The following AGO3 variants were observed in gnomAD, a reference collection of about 807,000 sequenced individuals.
The protein encoded by AGO3 is protein argonaute-3.
In AGO3, 16 loss-of-function variants were observed where a neutral mutation model predicts 105.5. The ratio of observed to expected loss-of-function variants is 0.15; its 90% CI spans 0.10 to 0.23. The LOEUF is 0.23. AGO3 is among the 10% of genes least tolerant of loss of function. The pLI is 1.00. For synonymous variants in AGO3, 340 were observed against 367.3 expected (o/e 0.93, Z 0.85); for missense variants, 534 against 1,088.0 (o/e 0.49, Z 7.16).
rs562773016 is a variant in AGO3 at position 35,951,638 on chromosome 1, C to G, written c.191+5775C>G. On this transcript the variant is annotated intron_variant, in intron 2 of 18. Transcript: ENST00000373191. ...TCATGGGCTCAAGACATCCACCCAC[C>G]TTGGCCTTTCAAAGTGCTGGGATTA... 5.9e-5 allele frequency among the ~76,000 whole-genome samples: 9 copies of G among 152,240 alleles called. No individual in the cohort carries two copies. The South Asian group carries it at 1.7e-3, about 28-fold the overall frequency.
At chr1:36,043,113 C>T (rs1642317369) in intron 16 of AGO3, among the ~76,000 whole-genome samples, 1 of 152,144 alleles carries the variant, frequency 6.6e-6, no homozygotes, top group Non-Finnish European at 1.5e-5. Flanking sequence ...TTCAAGAATA[C>T]CTACTATGCA....
At chr1:36,032,540 C>A (rs988520685) in intron 12 of AGO3, among the ~76,000 whole-genome samples, 1 of 151,968 alleles carries the variant, frequency 6.6e-6, no homozygotes, top group Non-Finnish European at 1.5e-5. Flanking sequence ...TACCATCATG[C>A]CTGGCTAATT....
At chr1:36,026,479 A>T (rs1177266966) in intron 11 of AGO3, among the ~76,000 whole-genome samples, 3 of 152,178 alleles carry the variant, frequency 2.0e-5, no homozygotes, top group African/African-American at 4.8e-5. Context: ...CTGCTATCCT[A>T]GTGTGAGATA....
At position 36,043,563 on chromosome 1, in the gene AGO3, T is replaced by C. The variant is rs1263299111; in HGVS notation, c.2274+15T>C. 6.4e-7 allele frequency: 1 copy of C among 1,563,060 alleles called. No homozygotes were observed. Among genetic ancestry groups the C allele is most frequent in the Non-Finnish European group, 8.7e-7 (1 of 1,149,926 alleles). ...CTGGAATACAGGTAAGCCTACACTT[T>C]GGGTAAAATATTTTAATTCAAGAAC... On this transcript the variant is annotated intron_variant, in intron 17 of 18. Transcript: ENST00000373191.
intron 2 of AGO3, among the ~76,000 whole-genome samples, chr1:35,959,430 C>A (rs910353097): frequency 1.3e-5 from 2 of 152,134 alleles, no homozygotes; most frequent in Admixed American, 6.6e-5. Context: ...TGCAAGAATT[C>A]TTTTCTTCTC....
chr1:35,993,079 A>G (rs1647836150), intron 5 of AGO3, among the ~76,000 whole-genome samples: 1 of 152,168 alleles, frequency 6.6e-6, no homozygotes, highest in Non-Finnish European at 1.5e-5. Context: ...TGAAAGTTAC[A>G]TTCTTTTATT....
rs1435827961 is a variant in AGO3, at chr1:36,059,428, A to T, written c.*3683A>T. 6.6e-6 allele frequency: 1 copy of T among 151,596 alleles called. No individual in the cohort carries two copies. The highest frequency in any genetic ancestry group is 1.5e-5 in the Non-Finnish European group (1 of 67,920). 9.4% of individuals were successfully genotyped at this position (151,596 alleles called of 1,614,324 possible). A position where few individuals can be genotyped will look rare whatever the true frequency, so the allele number is the denominator to read the frequency against. ...AAAAGTTTTTTTTTTTAAGTTAAAC[A>T]TGAAATTCACAGTGACCCTTCTGCT... On this transcript the variant is annotated 3_prime_UTR_variant, in exon 19 of 19. Transcript: ENST00000373191.
chr1:36,047,149 A>G (rs185054329), intron 17 of AGO3, among the ~76,000 whole-genome samples: 1 of 152,244 alleles, frequency 6.6e-6, no homozygotes, highest in East Asian at 1.9e-4. Flanking sequence ...AGGCTGAGGC[A>G]GGAGAATTGC....
chr1:35,982,640 G>T, intron 5 of AGO3: 1 of 717,762 alleles, frequency 1.4e-6, no homozygotes, highest in Non-Finnish European at 2.6e-6. Context: ...TCTGGCAGCA[G>T]TGTGGAGAAT....
At chr1:35,972,760 C>G (rs1646890401) in intron 4 of AGO3, among the ~76,000 whole-genome samples, 1 of 151,754 alleles carries the variant, frequency 6.6e-6, no homozygotes, top group African/African-American at 2.4e-5. Flanking sequence ...TTCACTGCAG[C>G]CTCAACCTCC....
At chr1:35,945,486 A>G (rs1036418791) in intron 1 of AGO3, among the ~76,000 whole-genome samples, 2 of 152,166 alleles carry the variant, frequency 1.3e-5, no homozygotes, top group African/African-American at 4.8e-5. Context: ...ACAGTTTTCC[A>G]GAGGCATACG....
intron 9 of AGO3, among the ~76,000 whole-genome samples, chr1:36,011,602 A>G (rs560761854): frequency 6.6e-6 from 1 of 152,366 alleles, no homozygotes; most frequent in East Asian, 1.9e-4. Context: ...TTTAAAAAAA[A>G]TAAAACAGAC....
At chr1:35,940,796 G>A (rs1327516196) in intron 1 of AGO3, among the ~76,000 whole-genome samples, 1 of 152,008 alleles carries the variant, frequency 6.6e-6, no homozygotes, top group East Asian at 1.9e-4. Context: ...GGTTTTCAGG[G>A]TACCACTCTC....
chr1:36,038,757 G>A (rs1642124740), intron 14 of AGO3, among the ~76,000 whole-genome samples: 1 of 152,148 alleles, frequency 6.6e-6, no homozygotes, highest in African/African-American at 2.4e-5. Context: ...GACACAGAAA[G>A]AGAAATTAAT....
At chr1:35,956,755 T>C (rs1178081428) in intron 2 of AGO3, among the ~76,000 whole-genome samples, 1 of 151,780 alleles carries the variant, frequency 6.6e-6, no homozygotes, top group Non-Finnish European at 1.5e-5. Context: ...GTCAAGCAAT[T>C]CTGTCTCAGC....
rs1646305632 is a variant in AGO3, at chr1:35,943,837, G to T, written c.20-1855G>T. 2.6e-5 allele frequency among the ~76,000 whole-genome samples: 4 copies of T among 151,642 alleles called. No individual in the cohort carries two copies. The South Asian group carries it at 8.3e-4, about 32-fold the overall frequency. On this transcript the variant is annotated intron_variant, in intron 1 of 18. Transcript: ENST00000373191. ...GCTGGTCTTAAACTCCTGAGCCCAA[G>T]CAGTCTGCCCACCTCGGCCTCCCAA...
intron 12 of AGO3, among the ~76,000 whole-genome samples, chr1:36,030,227 T>G (rs955374764): frequency 6.6e-6 from 1 of 152,084 alleles, no homozygotes; most frequent in African/African-American, 2.4e-5. Context: ...ACAGGCCAGA[T>G]GCAGTGGCTT....
intron 1 of AGO3, among the ~76,000 whole-genome samples, chr1:35,938,485 CT>C (rs1239904281): frequency 6.6e-6 from 1 of 152,112 alleles, no homozygotes; most frequent in Non-Finnish European, 1.5e-5. Flanking sequence ...TGTTTCTAAC[CT>C]TCTTTTTCCA....
At chr1:36,004,530 C>A in intron 6 of AGO3, 55 bp downstream of exon 6, 1 of 1,424,758 alleles carries the variant, frequency 7.0e-7, no homozygotes. Context: ...GATATAACAA[C>A]CTTTTATTAA....
Sources: allele counts gnomAD v4.1 joint callset (sites outside exome capture counted in the v4.1 genomes callset), GRCh38; gene constraint gnomAD v4.1.1; transcripts MANE v1.5; gene names NCBI Gene and HGNC (gene_info 2026-07-23, HGNC 2026-07-21).